Variants in PROS1 observed in about 807,000 individuals in gnomAD.
PROS1 encodes protein S.
A neutral mutation model predicts 75.9 loss-of-function variants in PROS1; 29 were observed. The observed-to-expected ratio is 0.38, with a 90% confidence interval of 0.28 to 0.52. The LOEUF (loss-of-function observed/expected upper bound fraction) is 0.52. Among genes scored for constraint, PROS1 ranks in the 20% least tolerant of loss-of-function variants. PROS1 has a pLI of 0.83. For missense variants in PROS1, 680 were observed against 810.3 expected, an observed-to-expected ratio of 0.84 and a Z score of 1.95; for synonymous variants, 245 against 280.6, an observed-to-expected ratio of 0.87 and a Z score of 1.27.
At position 93,905,017 on chromosome 3, in the gene PROS1, G is replaced by C. The variant is rs558550154; in HGVS notation, c.601+767C>G. 2.4e-4 allele frequency among the ~76,000 whole-genome samples: 37 copies of C among 152,252 alleles called. 1 individual carries two copies. The South Asian group carries it at 4.3e-3, about 18-fold the overall frequency. On this transcript the variant is annotated intron_variant, in intron 6 of 14. Coordinates refer to ENST00000394236, the MANE Select transcript of PROS1 (RefSeq NM_000313.4). ...TTCCCAAAACCACAACAGGAAATGAGGTGCCAGATGAAGGGCTGATGTTGG... is the reference window on the plus strand; with the variant it reads ...TTCCCAAAACCACAACAGGAAATGACGTGCCAGATGAAGGGCTGATGTTGG...
chr3:93,939,604 G>A (rs1013119476), intron 1 of PROS1, among the ~76,000 whole-genome samples: 3 of 152,110 alleles, frequency 2.0e-5, no homozygotes, highest in East Asian at 1.9e-4. Context: ...CTCTTAAAGA[G>A]GTGGCTGGAG....
Position 93,874,305 on chromosome 3 carries a change from T to C in PROS1, c.1971A>G (p.Lys657=), listed in dbSNP as rs1708151522. The C allele has an allele frequency of 6.2e-7, 1 of 1,613,510 alleles. No homozygotes were observed. The highest frequency in any genetic ancestry group is 1.1e-5 in the South Asian group (1 of 91,066). ...VQLDLDEAIS[K]HNDIRAHSCP... ...ATGAGTGAGCTCTAATATCATTATGTTTAGAAATGGCTTCATCCAGATCCA... is the reference window on the plus strand; with the variant it reads ...ATGAGTGAGCTCTAATATCATTATGCTTAGAAATGGCTTCATCCAGATCCA... The change falls in exon 15 of 15, where the codon AAA becomes AAG. Residue 657 remains lysine, a synonymous_variant. Transcript: ENST00000394236.
At chr3:93,946,652 A>C (rs2107235318) in intron 1 of PROS1, among the ~76,000 whole-genome samples, 1 of 152,254 alleles carries the variant, frequency 6.6e-6, no homozygotes, top group East Asian at 1.9e-4. Context: ...TACAAAATTT[A>C]ATTCAAGATG....
intron 1 of PROS1, among the ~76,000 whole-genome samples, chr3:93,971,033 T>C (rs1212615632): frequency 6.6e-6 from 1 of 151,846 alleles, no homozygotes; most frequent in East Asian, 1.9e-4. Flanking sequence ...CGTCCTTAGC[T>C]TTCTATGGCC....
In PROS1 at chr3:93,876,993, C is replaced by T. The variant is rs368612500; in HGVS notation, c.1843G>A (p.Val615Met). The T allele has an allele frequency of 1.3e-5, 21 of 1,612,380 alleles. No individual in the cohort carries two copies. In the African/African-American group the frequency reaches 2.5e-4, roughly 19 times the overall value. Residue 615 changes from valine to methionine, a missense_variant, in exon 14 of 15, where the codon GTG (valine) becomes ATG (methionine). Transcript: ENST00000394236. ...GGAAGGCCACCCAGGTATGTGGCCA[C>T]TTTTGCTTTCATTGCTTTGTCCAAG... Reference protein sequence around the residue: ...AVLDKAMKAKVATYLGGLPDV... With the variant: ...AVLDKAMKAKMATYLGGLPDV...
chr3:93,909,846 T>C (rs1029680071), intron 4 of PROS1, among the ~76,000 whole-genome samples: 1 of 152,306 alleles, frequency 6.6e-6, no homozygotes. Flanking sequence ...ACATTAGGTA[T>C]TAGTTTAAAA....
intron 2 of PROS1, among the ~76,000 whole-genome samples, chr3:93,926,738 C>T (rs868741905): frequency 3.3e-5 from 5 of 152,354 alleles, no homozygotes; most frequent in Middle Eastern, 3.4e-3. Context: ...CACACACACA[C>T]GTTAATACTT....
rs142570290 is a variant in PROS1 at position 93,938,800 on chromosome 3, C to T, written c.77-11393G>A. Among the ~76,000 whole-genome samples the T allele has an allele frequency of 6.3e-3, 966 of 152,168 alleles. 2 individuals carry two copies. Among genetic ancestry groups the T allele is most frequent in the Middle Eastern group, 0.01 (3 of 294 alleles). ...CCTTGGTGTTTAATCACTGTGGGGA[C>T]GCCTGCCTGATTATTCACCCACACT... On this transcript the variant is annotated intron_variant, in intron 1 of 14. Transcript: ENST00000394236.
chr3:93,948,696 G>A (rs1576211070), intron 1 of PROS1, among the ~76,000 whole-genome samples: 1 of 152,080 alleles, frequency 6.6e-6, no homozygotes, highest in African/African-American at 2.4e-5. Flanking sequence ...AACTTTTTAA[G>A]TCTAAAGATT....
In PROS1 at chr3:93,884,815, C is replaced by G. The variant is rs267599946; in HGVS notation, c.1405G>C (p.Glu469Gln). Reference protein sequence around the residue: ...GASGIKEIIQEKQNKHCLVTV... With the variant: ...GASGIKEIIQQKQNKHCLVTV... The stretch of plus-strand genomic sequence containing the variant: ...ACCAGGCAATGCTTATTTTGTTTTT[C>G]TTGAATAATTTCCTTTATTCCAGAA... The change falls in exon 12 of 15, where the codon GAA (glutamate) becomes CAA (glutamine). Residue 469 changes from glutamate (E) to glutamine (Q), a missense_variant. Coordinates refer to ENST00000394236, the MANE Select transcript of PROS1 (RefSeq NM_000313.4). 1 of 1,613,686 alleles carries G rather than the reference C, an allele frequency of 6.2e-7. No homozygotes were observed.
At chr3:93,892,617 T>C (rs1325866981) in intron 10 of PROS1, among the ~76,000 whole-genome samples, 2 of 145,568 alleles carry the variant, frequency 1.4e-5, no homozygotes, top group African/African-American at 5.1e-5. Flanking sequence ...AGAGCAAAAC[T>C]CTGTCTCAAA....
At position 93,973,844 on chromosome 3, in the gene PROS1, G is replaced by C; in HGVS notation, c.-95C>G. On this transcript the variant is annotated 5_prime_UTR_variant, in exon 1 of 15. Coordinates refer to ENST00000394236, the MANE Select transcript of PROS1 (RefSeq NM_000313.4). ...CGGAGCTGCGAGCCTGTGCGCCTCG[G>C]TCTGAGCCGTGCTGCGCGGCGGCGC... 1 of 1,097,964 alleles carries C rather than the reference G, an allele frequency of 9.1e-7. No homozygotes were observed. Among genetic ancestry groups the C allele is most frequent in the Non-Finnish European group, 1.2e-6 (1 of 803,340 alleles). The allele number at this position is 1,097,964 out of a possible 1,614,324, so 68.0% of individuals were successfully genotyped here.
chr3:93,918,339 A>G (rs777857547), intron 3 of PROS1, among the ~76,000 whole-genome samples: 5 of 152,036 alleles, frequency 3.3e-5, no homozygotes, highest in Non-Finnish European at 7.4e-5. Flanking sequence ...ATAAGAGAAT[A>G]AAAGCAGGCT....
chr3:93,954,807 A>C (rs948525462), intron 1 of PROS1, among the ~76,000 whole-genome samples: 7 of 152,236 alleles, frequency 4.6e-5, no homozygotes, highest in African/African-American at 1.7e-4. Flanking sequence ...GGATGGGAGA[A>C]AATTTTTACA....
At chr3:93,920,906 G>T (rs1708936418) in intron 3 of PROS1, among the ~76,000 whole-genome samples, 1 of 152,084 alleles carries the variant, frequency 6.6e-6, no homozygotes, top group South Asian at 2.1e-4. Context: ...ACTGAAGTGT[G>T]AAAATTTGGA....
chr3:93,912,870 T>C (rs1708780388), intron 3 of PROS1, among the ~76,000 whole-genome samples: 1 of 152,180 alleles, frequency 6.6e-6, no homozygotes, highest in South Asian at 2.1e-4. Flanking sequence ...CACTGTTCCA[T>C]TGGGAATTAA....
At chr3:93,966,527 G>A (rs1461540245) in intron 1 of PROS1, among the ~76,000 whole-genome samples, 1 of 152,146 alleles carries the variant, frequency 6.6e-6, no homozygotes, top group Non-Finnish European at 1.5e-5. Context: ...ATAAACAAAG[G>A]AAGATAATTT....
chr3:93,910,767 G>A lies in PROS1; in HGVS notation c.260-62C>T, dbSNP rs372327393. The A allele has an allele frequency of 4.4e-6, 6 of 1,356,362 alleles. No individual in the cohort carries two copies. The South Asian group carries it at 7.4e-5, about 17-fold the overall frequency. 84.0% of individuals were successfully genotyped at this position (1,356,362 alleles called of 1,614,324 possible). A position where few individuals can be genotyped will look rare whatever the true frequency, so the allele number is the denominator to read the frequency against. The stretch of plus-strand genomic sequence containing the variant: ...ACACACATACTTGATCTGAATTCAT[G>A]GTAGGAACTGTCCCAAGAGGTAGGA... On this transcript the variant is annotated intron_variant, in intron 3 of 14. Coordinates refer to ENST00000394236, the MANE Select transcript of PROS1 (RefSeq NM_000313.4).
chr3:93,936,094 C>A (rs114915449), intron 1 of PROS1, among the ~76,000 whole-genome samples: 17 of 151,778 alleles, frequency 1.1e-4, no homozygotes, highest in Admixed American at 8.5e-4. Flanking sequence ...ATCTCCCCCC[C>A]ACACCCCTTC....
Sources: allele counts gnomAD v4.1 joint callset (sites outside exome capture counted in the v4.1 genomes callset), GRCh38; gene constraint gnomAD v4.1.1; transcripts MANE v1.5; gene names NCBI Gene and HGNC (gene_info 2026-07-23, HGNC 2026-07-21).